TTC28: variants seen among roughly 807,000 people sequenced by gnomAD.
The protein encoded by TTC28 is tetratricopeptide repeat domain 28.
In TTC28, 61 loss-of-function variants were observed where a neutral mutation model predicts 198.0. The ratio of observed to expected loss-of-function variants is 0.31; its 90% CI spans 0.25 to 0.38. TTC28 has a LOEUF of 0.38. TTC28 is among the 10% of genes least tolerant of loss of function. The probability of loss-of-function intolerance (pLI) is 1.00; values close to 1 mark genes in which losing one functional copy is unlikely to be tolerated. For synonymous variants in TTC28, 1,171 were observed against 1,297.8 expected, an observed-to-expected ratio of 0.90 and a Z score of 2.10; for missense variants, 2,678 against 3,164.0, an observed-to-expected ratio of 0.85 and a Z score of 3.69.
intron 2 of TTC28, among the ~76,000 whole-genome samples, chr22:28,594,273 G>A (rs1269964989): frequency 2.0e-5 from 3 of 148,252 alleles, no homozygotes; most frequent in Non-Finnish European, 3.0e-5. Context: ...ATTAATATAA[G>A]AAGTAATTAA....
At chr22:28,505,627 A>G (rs2048601236) in intron 2 of TTC28, among the ~76,000 whole-genome samples, 1 of 152,136 alleles carries the variant, frequency 6.6e-6, no homozygotes, top group Non-Finnish European at 1.5e-5. Flanking sequence ...CAATACACAG[A>G]GCTATGTGAA....
intron 5 of TTC28, among the ~76,000 whole-genome samples, chr22:28,197,939 G>C (rs1925538705): frequency 6.6e-6 from 1 of 152,014 alleles, no homozygotes; most frequent in South Asian, 2.1e-4. Flanking sequence ...GGTCATAAAG[G>C]AAAATAAGAT....
chr22:28,506,525 C>G (rs1449290916), intron 2 of TTC28, among the ~76,000 whole-genome samples: 2 of 152,168 alleles, frequency 1.3e-5, no homozygotes, highest in Non-Finnish European at 2.9e-5. Flanking sequence ...AGGAAAGGTC[C>G]CCCGAATGCA....
chr22:28,060,412 CA>C (rs1292798445), intron 12 of TTC28, among the ~76,000 whole-genome samples: 1 of 152,200 alleles, frequency 6.6e-6, no homozygotes, highest in Admixed American at 6.5e-5. Flanking sequence ...CATGTCTCTA[CA>C]AAGGACATGA....
In TTC28 at chr22:28,037,416, C is replaced by A. The variant is rs560122946; in HGVS notation, c.3933-7050G>T. The stretch of plus-strand genomic sequence containing the variant: ...ATATAAACAGAACCAATGACAAAAA[C>A]CACATGATTATCTCAATAGATGCAG... On this transcript the variant is annotated intron_variant, in intron 12 of 22. Coordinates refer to ENST00000397906, the MANE Select transcript of TTC28 (RefSeq NM_001145418.2). Among the ~76,000 whole-genome samples the A allele has an allele frequency of 2.0e-4, 30 of 152,246 alleles. No individual in the cohort carries two copies. The East Asian group carries it at 5.4e-3, about 27-fold the overall frequency.
chr22:28,309,403 A>G (rs546606809), intron 2 of TTC28, among the ~76,000 whole-genome samples: 1 of 152,354 alleles, frequency 6.6e-6, no homozygotes, highest in Non-Finnish European at 1.5e-5. Flanking sequence ...CCACCTGACT[A>G]AAATAAATTG....
intron 2 of TTC28, among the ~76,000 whole-genome samples, chr22:28,362,748 T>C (rs1021376852): frequency 5.3e-5 from 8 of 152,164 alleles, no homozygotes; most frequent in Admixed American, 4.6e-4. Flanking sequence ...ACTGTTGTTA[T>C]GTTTCAGCAA....
intron 6 of TTC28, among the ~76,000 whole-genome samples, chr22:28,132,319 A>G (rs909423707): frequency 1.3e-5 from 2 of 152,224 alleles, no homozygotes; most frequent in African/African-American, 4.8e-5. Context: ...GGAGAGACAC[A>G]TTTATCACCA....
In TTC28 at chr22:27,985,278, A is replaced by C; in HGVS notation, c.5786T>G (p.Phe1929Cys). The C allele has an allele frequency of 6.4e-7, 1 of 1,551,522 alleles. No homozygotes were observed. The highest frequency in any genetic ancestry group is 1.7e-4 in the Middle Eastern group (1 of 5,988). ...GKQANRRTVH[F>C]ALQSLLSLFD... The stretch of plus-strand genomic sequence containing the variant: ...CAGAGACAGCAGGGACTGGAGCGCG[A>C]AGTGCACAGTCCGTCGATTAGCTTG... Residue 1929 changes from phenylalanine (F) to cysteine (C), a missense_variant, in exon 22 of 23, where the codon TTC (phenylalanine) becomes TGC (cysteine). This residue lies in a region of TTC28 where 314 missense variants were observed against 442.7 expected (regional missense o/e 0.71). Coordinates refer to ENST00000397906, the MANE Select transcript of TTC28 (RefSeq NM_001145418.2).
At position 28,392,798 on chromosome 22, in the gene TTC28, G is replaced by A. The variant is rs183508537; in HGVS notation, c.382-86155C>T. Among the ~76,000 whole-genome samples the A allele has an allele frequency of 8.4e-3, 1,264 of 150,122 alleles. 15 individuals are homozygous for A. The highest frequency in any genetic ancestry group is 0.013 in the Admixed American group (199 of 15,076). On this transcript the variant is annotated intron_variant, in intron 2 of 22. Coordinates refer to ENST00000397906, the MANE Select transcript of TTC28 (RefSeq NM_001145418.2). ...TCAGATGGAAATGCAGAAATCACCC[G>A]TCTTCTGCATCGCTCACGCTGGGAG...
intron 5 of TTC28, among the ~76,000 whole-genome samples, chr22:28,269,732 G>A (rs891332635): frequency 1.3e-5 from 2 of 152,188 alleles, no homozygotes; most frequent in African/African-American, 4.8e-5. Flanking sequence ...AAACAGGAGA[G>A]GAGGGGAGCC....
intron 12 of TTC28, among the ~76,000 whole-genome samples, chr22:28,042,564 T>C (rs913802758): frequency 2.6e-5 from 4 of 151,622 alleles, no homozygotes; most frequent in Non-Finnish European, 4.4e-5. Context: ...GGGAACATCA[T>C]ACACTGGGGC....
intron 2 of TTC28, among the ~76,000 whole-genome samples, chr22:28,612,056 A>G (rs1377157782): frequency 6.6e-6 from 1 of 152,186 alleles, no homozygotes; most frequent in Non-Finnish European, 1.5e-5. Context: ...GTCAAGACCC[A>G]TTGGTGTGCT....
chr22:28,458,663 C>G (rs913542184), intron 2 of TTC28, among the ~76,000 whole-genome samples: 3 of 151,918 alleles, frequency 2.0e-5, no homozygotes, highest in Non-Finnish European at 4.4e-5. Context: ...GGGTGGATCA[C>G]GAGGTCAGGA....
chr22:28,183,392 G>C (rs1923890149), intron 5 of TTC28, among the ~76,000 whole-genome samples: 1 of 152,096 alleles, frequency 6.6e-6, no homozygotes, highest in South Asian at 2.1e-4. Flanking sequence ...CTAAGGACAA[G>C]AGAGTTCAAC....
chr22:28,241,122 C>G (rs1270418591), intron 5 of TTC28, among the ~76,000 whole-genome samples: 2 of 152,216 alleles, frequency 1.3e-5, no homozygotes, highest in East Asian at 3.9e-4. Context: ...CCACCTGAAC[C>G]ACATAATCAA....
At chr22:28,280,697 T>C (rs900748726) in intron 5 of TTC28, among the ~76,000 whole-genome samples, 7 of 152,206 alleles carry the variant, frequency 4.6e-5, no homozygotes, top group Non-Finnish European at 7.3e-5. Context: ...CTCCTTTTTT[T>C]CCCTTGTAGG....
chr22:28,591,040 C>CACACATATAT (rs1362164401), intron 2 of TTC28, among the ~76,000 whole-genome samples: 1 of 30,752 alleles, frequency 3.3e-5, no homozygotes, highest in African/African-American at 1.6e-4. Flanking sequence ...CACACACACA[C>CACACATATAT]ATATATATAT....
At chr22:28,123,503 C>T (rs950193174) in intron 6 of TTC28, among the ~76,000 whole-genome samples, 9 of 152,042 alleles carry the variant, frequency 5.9e-5, no homozygotes, top group African/African-American at 1.2e-4. Context: ...GTGATCTGCC[C>T]GCCTCAGCCT....
Sources: allele counts gnomAD v4.1 joint callset (sites outside exome capture counted in the v4.1 genomes callset), GRCh38; gene constraint gnomAD v4.1.1; regional missense constraint gnomAD v4.1.1; transcripts MANE v1.5; gene names NCBI Gene and HGNC (gene_info 2026-07-23, HGNC 2026-07-21).